The following DUS3L variants were observed in gnomAD, a reference collection of about 807,000 sequenced individuals.
DUS3L encodes dihydrouridine synthase 3 like.
DUS3L carries 62 observed loss-of-function variants against 74.6 expected under a neutral mutation model. The observed-to-expected ratio is 0.83, with a 90% confidence interval of 0.68 to 1.03. DUS3L has a LOEUF of 1.03. Among genes scored for constraint, DUS3L ranks in the 50% least tolerant of loss-of-function variants. DUS3L has a pLI of 0.00. For missense variants in DUS3L, 884 were observed against 924.4 expected (o/e 0.96, Z 0.57); for synonymous variants, 433 against 395.7 (o/e 1.09, Z -1.12).
At position 5,787,345 on chromosome 19, in the gene DUS3L, A is replaced by G; in HGVS notation, c.1229T>C (p.Leu410Pro). The G allele has an allele frequency of 1.3e-6, 2 of 1,572,288 alleles. No homozygotes were observed. Among genetic ancestry groups the G allele is most frequent in the Non-Finnish European group, 1.7e-6 (2 of 1,161,992 alleles). Residue 410 changes from leucine (L) to proline (P), a missense_variant, in exon 7 of 13, where the codon CTC becomes CCC. By Grantham distance (98) the Leu-to-Pro change is moderately conservative. Coordinates refer to ENST00000309061, the MANE Select transcript of DUS3L (RefSeq NM_020175.3). ...LVYKKGGGCA[L>P]MNRSTKFQQI... Reference sequence around the variant, plus strand: ...CTGGAACTTGGTGGAGCGATTCATGAGGGCACAGCCCCCACCCTGGAAGAG... The same window carrying G: ...CTGGAACTTGGTGGAGCGATTCATGGGGGCACAGCCCCCACCCTGGAAGAG...
chr19:5,785,646 TCTC>T lies in DUS3L; in HGVS notation c.1705_1707del (p.Glu569del). 2 of 1,612,124 alleles carry T rather than the reference TCTC, an allele frequency of 1.2e-6. No homozygotes were observed. The highest frequency in any genetic ancestry group is 1.7e-6 in the Non-Finnish European group (2 of 1,179,590). ...CACTCGAGCAGAAAGCGCCGGGTCT[TCTC>T]CACGCCCTGCGTGTCCGAGCCCCAG... is the stretch of plus-strand genomic sequence containing the variant. On this transcript the variant is annotated inframe_deletion, in exon 11 of 13. Transcript: ENST00000309061.
intron 1 of DUS3L, 24 bp downstream of exon 1, chr19:5,791,020 T>C: frequency 5.1e-6 from 8 of 1,577,594 alleles, no homozygotes; most frequent in Non-Finnish European, 6.9e-6. Flanking sequence ...GCCCTTCAGC[T>C]TCCCTCCTGC....
In DUS3L at chr19:5,787,324, A is replaced by G; in HGVS notation, c.1250T>C (p.Phe417Ser). The change falls in exon 7 of 13, where the codon TTC (phenylalanine) becomes TCC (serine). Residue 417 changes from phenylalanine to serine, a missense_variant. By Grantham distance (155) the Phe-to-Ser change is radical. Coordinates refer to ENST00000309061, the MANE Select transcript of DUS3L (RefSeq NM_020175.3). ...GCALMNRSTK[F>S]QQIVRGMNQV... The stretch of plus-strand genomic sequence containing the variant: ...GTTCATGCCACGGACGATCTGCTGG[A>G]ACTTGGTGGAGCGATTCATGAGGGC... 1 of 1,196,268 alleles carries G rather than the reference A, an allele frequency of 8.4e-7. No homozygotes were observed. The highest frequency in any genetic ancestry group is 1.3e-5 in the South Asian group (1 of 76,346). The allele number at this position is 1,196,268 out of a possible 1,614,324, so 74.1% of individuals were successfully genotyped here. A position where few individuals can be genotyped will look rare whatever the true frequency, so the allele number is the denominator to read the frequency against.
rs200704099 is a variant in DUS3L at position 5,788,088 on chromosome 19, T to C, written c.1031A>G (p.Gln344Arg). 178 of 1,613,664 alleles carry C rather than the reference T, an allele frequency of 1.1e-4. No homozygotes were observed. The highest frequency in any genetic ancestry group is 1.2e-5 in the Non-Finnish European group (14 of 1,180,038). The change falls in exon 5 of 13, where the codon CAG becomes CGG. Residue 344 changes from glutamine to arginine, a missense_variant. Physicochemically the swap from Gln to Arg is conservative, Grantham distance 43. Transcript: ENST00000309061. ...GEMAVCTNLL[Q>R]GQMSEWALLK... ...TAGGGCCCACTCGGACATCTGGCCC[T>C]GCAGCAGGTTGGTGCAGACGGCCAT... is the stretch of plus-strand genomic sequence containing the variant.
chr19:5,785,821 AGCCACCAGCCT>A (rs755116449), intron 10 of DUS3L, 30 bp from the exon 11 acceptor site: 1 of 1,540,194 alleles, frequency 6.5e-7, no homozygotes, highest in South Asian at 1.2e-5. Context: ...CAGTGGGCCC[AGCCACCAGCCT>A]GCCTGGGATC....
intron 5 of DUS3L, 102 bp downstream of exon 5, chr19:5,787,922 G>A (rs1226099941): frequency 3.3e-6 from 5 of 1,536,058 alleles, no homozygotes; most frequent in Non-Finnish European, 4.4e-6. Context: ...CACAGCTGAG[G>A]CCAGGGGGTC....
At position 5,790,131 on chromosome 19, in the gene DUS3L, C is replaced by T. The variant is rs1300745165; in HGVS notation, c.303G>A (p.Lys101=). ...GGCCCTTGTTTTGTCCCCGGGCCCT[C>T]TTCTGAGTCTGTAGCTGCTCCCCGG... ...AEPGEQLQTQ[K]RARGQNKGRP... is the part of the protein sequence containing the mutation. The change falls in exon 2 of 13, where the codon AAG becomes AAA. Residue 101 remains lysine, a synonymous_variant. Transcript: ENST00000309061. 4.3e-6 allele frequency: 7 copies of T among 1,614,192 alleles called. No homozygotes were observed. Among genetic ancestry groups the T allele is most frequent in the Non-Finnish European group, 4.2e-6 (5 of 1,180,036 alleles).
rs543554877 is a variant in DUS3L, at chr19:5,788,286, G to A, written c.942+71C>T. ...CCCCACAATCCAGTAGGTGGGGACA[G>A]ACACTAAGCCCTGTTGGAATGACCA... On this transcript the variant is annotated intron_variant, in intron 4 of 12. Coordinates refer to ENST00000309061, the MANE Select transcript of DUS3L (RefSeq NM_020175.3). 15 of 1,611,364 alleles carry A rather than the reference G, an allele frequency of 9.3e-6. No individual in the cohort carries two copies. The South Asian group carries it at 1.6e-4, about 18-fold the overall frequency.
intron 10 of DUS3L, 62 bp from the exon 11 acceptor site, chr19:5,785,853 T>C: frequency 1.4e-6 from 2 of 1,481,112 alleles, no homozygotes; most frequent in South Asian, 2.7e-5. Flanking sequence ...GTGTGGCCTC[T>C]GCTTCCATGG....
rs1156271717 is a variant in DUS3L at position 5,785,585 on chromosome 19, G to C, written c.1751+18C>G. On this transcript the variant is annotated intron_variant, in intron 11 of 12. Coordinates refer to ENST00000309061, the MANE Select transcript of DUS3L (RefSeq NM_020175.3). ...CGCGGCCCACGCGCCGCCCACCCCAGCCAGCCCCGGTGCCCACCGGCACAG... is the reference window on the plus strand; with the variant it reads ...CGCGGCCCACGCGCCGCCCACCCCACCCAGCCCCGGTGCCCACCGGCACAG... 1 of 1,591,954 alleles carries C rather than the reference G, an allele frequency of 6.3e-7. No homozygotes were observed. Among genetic ancestry groups the C allele is most frequent in the East Asian group, 2.2e-5 (1 of 44,580 alleles).
intron 5 of DUS3L, 57 bp downstream of exon 5, chr19:5,787,967 C>T: frequency 6.3e-7 from 1 of 1,595,732 alleles, no homozygotes; most frequent in Non-Finnish European, 8.5e-7. Context: ...GAACCTGGCT[C>T]TGAGACAGGA....
intron 3 of DUS3L, 26 bp downstream of exon 3, chr19:5,789,181 C>G: frequency 6.6e-7 from 1 of 1,512,186 alleles, no homozygotes. Context: ...GACAGATCTG[C>G]TACTGACGTT....
intron 8 of DUS3L, 101 bp from the exon 9 acceptor site, chr19:5,786,946 C>G (rs1477221253): frequency 6.7e-7 from 1 of 1,493,144 alleles, no homozygotes; most frequent in Non-Finnish European, 8.9e-7. Flanking sequence ...GAGACACAGG[C>G]GGAGACAGAG....
At chr19:5,789,782 G>A in intron 2 of DUS3L, 63 bp from the exon 3 acceptor site, 1 of 1,545,214 alleles carries the variant, frequency 6.5e-7, no homozygotes, top group Non-Finnish European at 8.7e-7. Flanking sequence ...CCAGCAGCCA[G>A]GGTTCAAACT....
chr19:5,789,510 G>A lies in DUS3L; in HGVS notation c.597C>T (p.Arg199=), dbSNP rs781555811. 1.9e-6 allele frequency: 3 copies of A among 1,604,390 alleles called. No homozygotes were observed. The highest frequency in any genetic ancestry group is 1.1e-5 in the South Asian group (1 of 90,508). The change falls in exon 3 of 13, where the codon CGC becomes CGT. Residue 199 remains arginine (R), a synonymous_variant. Transcript: ENST00000309061. Reference sequence around the variant, plus strand: ...TGCGGATGGACGGGGGCTGGGTCCCGCGGGCCGCCAACTCCTCCTGCACCA... The same window carrying A: ...TGCGGATGGACGGGGGCTGGGTCCCACGGGCCGCCAACTCCTCCTGCACCA... ...QNLVQEELAA[R]GTQPPSIRNG...
intron 2 of DUS3L, 158 bp downstream of exon 2, chr19:5,789,889 C>T: frequency 7.6e-7 from 1 of 1,307,604 alleles, no homozygotes; most frequent in Non-Finnish European, 1.0e-6. Context: ...ATGACAAGCC[C>T]TACAATGTAT....
intron 2 of DUS3L, 120 bp from the exon 3 acceptor site, chr19:5,789,839 C>T (rs567897555): frequency 1.5e-6 from 2 of 1,345,252 alleles, no homozygotes; most frequent in African/African-American, 2.9e-5. Flanking sequence ...AGTCAGGCAC[C>T]TCACCGTGCC....
chr19:5,788,098 T>C lies in DUS3L; in HGVS notation c.1021A>G (p.Asn341Asp). The C allele has an allele frequency of 1.9e-6, 3 of 1,613,786 alleles. No individual in the cohort carries two copies. Among genetic ancestry groups the C allele is most frequent in the Non-Finnish European group, 1.7e-6 (2 of 1,180,030 alleles). ...TCGGACATCTGGCCCTGCAGCAGGTTGGTGCAGACGGCCATCTCTCCACAT... is the reference window on the plus strand; with the variant it reads ...TCGGACATCTGGCCCTGCAGCAGGTCGGTGCAGACGGCCATCTCTCCACAT... ...VTCGEMAVCT[N>D]LLQGQMSEWA... Residue 341 changes from asparagine (N) to aspartate (D), a missense_variant, in exon 5 of 13, where the codon AAC (asparagine) becomes GAC (aspartate). Asn to Asp is a conservative substitution (Grantham distance 23, BLOSUM62 1). Transcript: ENST00000309061.
chr19:5,788,324 G>A (rs2056875388), intron 4 of DUS3L, 33 bp downstream of exon 4: 1 of 1,613,290 alleles, frequency 6.2e-7, no homozygotes, highest in Non-Finnish European at 8.5e-7. Context: ...CTGCCACCCT[G>A]CCACCCGACC....
Sources: allele counts gnomAD v4.1 joint callset, GRCh38; gene constraint gnomAD v4.1.1; transcripts MANE v1.5; gene names NCBI Gene and HGNC (gene_info 2026-07-23, HGNC 2026-07-21).